Variants in CCDC88C observed in about 807,000 individuals in gnomAD.
CCDC88C encodes the protein coiled-coil and HOOK domain protein 88C, also known as protein Daple.
In CCDC88C, 131 loss-of-function variants were observed where a neutral mutation model predicts 198.8. That is an observed-to-expected ratio of 0.66 (90% CI 0.57 to 0.76). The LOEUF (loss-of-function observed/expected upper bound fraction) is 0.76, where lower values mean the gene tolerates loss of function less well. Ranked by LOEUF, CCDC88C falls within the 30% of genes least tolerant of loss-of-function variation. CCDC88C has a pLI of 0.00. For synonymous variants in CCDC88C, 1,166 were observed against 1,114.7 expected, an observed-to-expected ratio of 1.05 and a Z score of -0.92; for missense variants, 2,553 against 2,631.6, an observed-to-expected ratio of 0.97 and a Z score of 0.65.
rs1891199044 is a variant in CCDC88C, at chr14:91,300,023, T to C, written c.3683A>G (p.Lys1228Arg). 1.2e-6 allele frequency: 2 copies of C among 1,605,270 alleles called. No individual in the cohort carries two copies. Among genetic ancestry groups the C allele is most frequent in the Non-Finnish European group, 1.7e-6 (2 of 1,176,322 alleles). ...KRKAELEERE[K>R]VLTTEREALQ... ...CGCCTCTCGCTCAGTGGTCAAGACCTTCTCCCGCTCCTCCAGCTCCGCCTT... is the reference window on the plus strand; with the variant it reads ...CGCCTCTCGCTCAGTGGTCAAGACCCTCTCCCGCTCCTCCAGCTCCGCCTT... Residue 1228 changes from lysine to arginine, a missense_variant, in exon 21 of 30, where the codon AAG becomes AGG. Lys to Arg is a conservative substitution (Grantham distance 26). Coordinates refer to ENST00000389857, the MANE Select transcript of CCDC88C (RefSeq NM_001080414.4).
In CCDC88C at chr14:91,313,216, T is replaced by C. The variant is rs947794382; in HGVS notation, c.2600A>G (p.Lys867Arg). Residue 867 changes from lysine (K) to arginine (R), a missense_variant, in exon 15 of 30, where the codon AAG becomes AGG. By Grantham distance (26) the Lys-to-Arg change is conservative. This residue lies in a region of CCDC88C where 1,260 missense variants were observed against 1,412.0 expected (regional missense o/e 0.89). Coordinates refer to ENST00000389857, the MANE Select transcript of CCDC88C (RefSeq NM_001080414.4). The surrounding 1 kb of genome is among the most constrained non-coding windows in gnomAD (Gnocchi z 5.2). Reference protein sequence around the residue: ...DSTAKLSAVEKESRALDKELA... With the variant: ...DSTAKLSAVERESRALDKELA... ...CTCCTTGTCCAGCGCGCGGCTCTCC[T>C]TCTCAACGGCGGACAGTTTGGCAGT... 1 of 1,613,730 alleles carries C rather than the reference T, an allele frequency of 6.2e-7. No individual in the cohort carries two copies. The highest frequency in any genetic ancestry group is 1.3e-5 in the African/African-American group (1 of 74,934).
At chr14:91,326,211 T>TTA (rs1567077871) in intron 10 of CCDC88C, among the ~76,000 whole-genome samples, 155 bp from the exon 11 acceptor site, 2 of 152,042 alleles carry the variant, frequency 1.3e-5, no homozygotes, top group African/African-American at 4.8e-5. Context: ...CTTTTTTTTT[T>TTA]ATCATCTTCA....
chr14:91,366,165 C>G (rs1894530728), intron 3 of CCDC88C, among the ~76,000 whole-genome samples: 1 of 131,618 alleles, frequency 7.6e-6, no homozygotes, highest in Non-Finnish European at 1.5e-5. Context: ...CACACACACA[C>G]ACACACACAC....
chr14:91,404,423 A>C (rs569356203), intron 3 of CCDC88C, among the ~76,000 whole-genome samples: 1 of 152,296 alleles, frequency 6.6e-6, no homozygotes, highest in South Asian at 2.1e-4. Context: ...CTCTTCTAGA[A>C]ATCACCAGAA....
rs145543593 is a variant in CCDC88C at position 91,347,060 on chromosome 14, G to C, written c.341-3403C>G. 7.9e-5 allele frequency among the ~76,000 whole-genome samples: 12 copies of C among 152,216 alleles called. No homozygotes were observed. In the East Asian group the frequency reaches 1.5e-3, roughly 20 times the overall value. On this transcript the variant is annotated intron_variant, in intron 4 of 29. Coordinates refer to ENST00000389857, the MANE Select transcript of CCDC88C (RefSeq NM_001080414.4). ...AAGTGCTCATCACATGCCCATGCTGGATATAAGAGGCACAGACCCTTCCCA... is the reference window on the plus strand; with the variant it reads ...AAGTGCTCATCACATGCCCATGCTGCATATAAGAGGCACAGACCCTTCCCA...
At position 91,339,300 on chromosome 14, in the gene CCDC88C, GCCT is replaced by G; in HGVS notation, c.784_786del (p.Arg262del). ...CACAGCTCCTGCCTGACGCGCCGCA[GCCT>G]GGCCTTGGTGTCGGCCAGCTCTACG... On this transcript the variant is annotated inframe_deletion, in exon 8 of 30. Transcript: ENST00000389857. The surrounding 1 kb of genome is among the most constrained non-coding windows in gnomAD (Gnocchi z 5.8). 1 of 1,613,130 alleles carries G rather than the reference GCCT, an allele frequency of 6.2e-7. No homozygotes were observed. Among genetic ancestry groups the G allele is most frequent in the South Asian group, 1.1e-5 (1 of 91,018 alleles).
chr14:91,402,279 GCAA>G (rs137911583), intron 3 of CCDC88C, among the ~76,000 whole-genome samples: 11 of 151,932 alleles, frequency 7.2e-5, no homozygotes, highest in African/African-American at 1.9e-4. Flanking sequence ...GTCTCAAACA[GCAA>G]CAACAACAAC....
intron 17 of CCDC88C, among the ~76,000 whole-genome samples, chr14:91,307,861 T>C (rs1188045693): frequency 1.3e-5 from 2 of 152,224 alleles, no homozygotes; most frequent in Admixed American, 1.3e-4. Flanking sequence ...GTAAGGAGCA[T>C]GTGCATATGT....
At chr14:91,361,545 C>T (rs1228047968) in intron 3 of CCDC88C, among the ~76,000 whole-genome samples, 2 of 152,162 alleles carry the variant, frequency 1.3e-5, no homozygotes, top group South Asian at 2.1e-4. Context: ...GATGTTAAAC[C>T]GTGAGGTGTA....
Position 91,337,410 on chromosome 14 carries a change from A to G in CCDC88C, c.1050+595T>C, listed in dbSNP as rs79686492. Reference sequence around the variant, plus strand: ...AGTGCAGCAGTGCAATCATAGCTCAATGCATTGCAGCCTTGACATCCCAGG... The same window carrying G: ...AGTGCAGCAGTGCAATCATAGCTCAGTGCATTGCAGCCTTGACATCCCAGG... On this transcript the variant is annotated intron_variant, in intron 10 of 29. Coordinates refer to ENST00000389857, the MANE Select transcript of CCDC88C (RefSeq NM_001080414.4). Among the ~76,000 whole-genome samples the G allele has an allele frequency of 9.8e-4, 149 of 152,326 alleles. 4 individuals are homozygous for G. The East Asian group carries it at 0.024, about 25-fold the overall frequency.
At position 91,357,469 on chromosome 14, in the gene CCDC88C, C is replaced by G. The variant is rs562691693; in HGVS notation, c.340+2173G>C. 1.1e-3 allele frequency among the ~76,000 whole-genome samples: 167 copies of G among 152,322 alleles called. 1 individual carries two copies. The highest frequency in any genetic ancestry group is 3.9e-3 in the African/African-American group (161 of 41,564). On this transcript the variant is annotated intron_variant, in intron 4 of 29. Coordinates refer to ENST00000389857, the MANE Select transcript of CCDC88C (RefSeq NM_001080414.4). ...TGTCTCGCCAGCACGCTCGGTCTTT[C>G]ATTGCATTTGTAACGCACGTTCAGT...
chr14:91,329,077 CCT>C (rs1371457452), intron 10 of CCDC88C, among the ~76,000 whole-genome samples: 1 of 151,848 alleles, frequency 6.6e-6, no homozygotes, highest in Non-Finnish European at 1.5e-5. Context: ...AGGCAGACAT[CCT>C]ACCCACCCAG....
At chr14:91,382,719 T>C (rs1383170452) in intron 3 of CCDC88C, among the ~76,000 whole-genome samples, 1 of 152,062 alleles carries the variant, frequency 6.6e-6, no homozygotes, top group Non-Finnish European at 1.5e-5. Context: ...CTACAGAAAA[T>C]TCAAGGGACG....
chr14:91,390,859 C>T (rs1885468050), intron 3 of CCDC88C, among the ~76,000 whole-genome samples: 1 of 152,144 alleles, frequency 6.6e-6, no homozygotes. Flanking sequence ...CAGGGGTCTC[C>T]AGAAAGGAAG....
At chr14:91,348,150 C>T (rs572080320) in intron 4 of CCDC88C, among the ~76,000 whole-genome samples, 7 of 152,034 alleles carry the variant, frequency 4.6e-5, no homozygotes, top group African/African-American at 9.6e-5. Flanking sequence ...GGATTACAGG[C>T]GCACACCACC....
At chr14:91,417,488 A>T in intron 1 of CCDC88C, 143 bp downstream of exon 1, 1 of 650,162 alleles carries the variant, frequency 1.5e-6, no homozygotes. Context: ...CGCGGCCCCA[A>T]CCCCGGCCGG....
At chr14:91,333,246 ATACT>A (rs1265767157) in intron 10 of CCDC88C, among the ~76,000 whole-genome samples, 1 of 152,236 alleles carries the variant, frequency 6.6e-6, no homozygotes. Flanking sequence ...TTCGAAACAT[ATACT>A]TACTGTACCC....
chr14:91,293,152 C>T (rs111657841), intron 23 of CCDC88C, among the ~76,000 whole-genome samples: 2 of 139,870 alleles, frequency 1.4e-5, no homozygotes, highest in Non-Finnish European at 3.1e-5. Context: ...CCATCCTCAC[C>T]TGCCATAGCC....
At chr14:91,366,223 C>T (rs1045096291) in intron 3 of CCDC88C, among the ~76,000 whole-genome samples, 2 of 151,094 alleles carry the variant, frequency 1.3e-5, no homozygotes, top group East Asian at 1.9e-4. Context: ...TGGTGGTTCA[C>T]GCCTGTAATC....
Sources: gnomAD v4.1 joint callset for allele counts (sites outside exome capture counted in the v4.1 genomes callset) on GRCh38, gnomAD v4.1.1 for gene constraint, gnomAD v4.1.1 regional missense constraint, Gnocchi (gnomAD v3.1) non-coding constraint, MANE v1.5 for transcripts, NCBI Gene and HGNC (gene_info 2026-07-23, HGNC 2026-07-21) for gene names.